WWOX: variants seen among roughly 807,000 people sequenced by gnomAD.
WWOX encodes the protein WW domain-containing oxidoreductase.
A neutral mutation model predicts 46.2 loss-of-function variants in WWOX; 69 were observed. The observed-to-expected ratio is 1.49, with a 90% confidence interval of 1.23 to 1.82. The LOEUF is 1.82. Ranked by LOEUF, WWOX falls within the 40% of genes most tolerant of loss-of-function variation. The pLI, the probability that WWOX is intolerant of heterozygous loss-of-function variation, is 0.00. For synonymous variants in WWOX, 359 were observed against 202.6 expected (o/e 1.77, Z -6.56); for missense variants, 919 against 542.6 (o/e 1.69, Z -6.89).
intron 8 of WWOX, among the ~76,000 whole-genome samples, chr16:78,943,050 C>T (rs956867616): frequency 6.6e-6 from 1 of 152,162 alleles, no homozygotes; most frequent in African/African-American, 2.4e-5. Flanking sequence ...GCTTCTGCTT[C>T]CTGTTTTGTT....
At chr16:78,426,871 C>G (rs1163496241) in intron 7 of WWOX, among the ~76,000 whole-genome samples, 4 of 152,152 alleles carry the variant, frequency 2.6e-5, no homozygotes, top group African/African-American at 9.7e-5. Context: ...ACCATGTTGG[C>G]CAGGATGGTC....
intron 8 of WWOX, among the ~76,000 whole-genome samples, chr16:78,871,917 T>C (rs2044137490): frequency 6.6e-6 from 1 of 152,190 alleles, no homozygotes; most frequent in Non-Finnish European, 1.5e-5. Flanking sequence ...GCCCCTCCTT[T>C]CTGGCCCCTC....
At chr16:79,178,592 C>A (rs2050848947) in intron 8 of WWOX, among the ~76,000 whole-genome samples, 1 of 152,188 alleles carries the variant, frequency 6.6e-6, no homozygotes, top group Non-Finnish European at 1.5e-5. Flanking sequence ...GCTAGAATTA[C>A]AGTTGAGAGC....
chr16:78,496,850 T>C (rs1401546988), intron 8 of WWOX, among the ~76,000 whole-genome samples: 2 of 152,254 alleles, frequency 1.3e-5, no homozygotes, highest in Non-Finnish European at 2.9e-5. Context: ...CCCCTTTTGC[T>C]GTGCCATGTG....
intron 5 of WWOX, among the ~76,000 whole-genome samples, chr16:78,215,074 T>C (rs1167680324): frequency 6.6e-6 from 1 of 152,156 alleles, no homozygotes; most frequent in Non-Finnish European, 1.5e-5. Context: ...ATGTAGGATA[T>C]TGCTGGGGAA....
At chr16:78,109,904 A>G (rs2032390401) in intron 3 of WWOX, 69 bp downstream of exon 3, 1 of 1,495,296 alleles carries the variant, frequency 6.7e-7, no homozygotes, top group African/African-American at 1.4e-5. Context: ...TTATAAAAGT[A>G]ATACATAGTA....
At chr16:78,797,887 C>G (rs1442987594) in intron 8 of WWOX, among the ~76,000 whole-genome samples, 1 of 152,174 alleles carries the variant, frequency 6.6e-6, no homozygotes, top group Non-Finnish European at 1.5e-5. Flanking sequence ...ACTCAAGAGG[C>G]TGACATGGGA....
At chr16:78,433,776 ACTTTTTT>A in intron 8 of WWOX, among the ~76,000 whole-genome samples, 1 of 96,484 alleles carries the variant, frequency 1.0e-5, no homozygotes, top group Non-Finnish European at 2.1e-5. Context: ...TTTGGGGATG[ACTTTTTT>A]TTTTTTTTTT....
At chr16:79,145,663 T>C (rs1464460271) in intron 8 of WWOX, among the ~76,000 whole-genome samples, 2 of 152,218 alleles carry the variant, frequency 1.3e-5, no homozygotes, top group African/African-American at 2.4e-5. Context: ...GAAACCAAAA[T>C]GTTCTTTGTT....
intron 8 of WWOX, among the ~76,000 whole-genome samples, chr16:78,868,819 G>T (rs1384204568): frequency 6.6e-6 from 1 of 152,160 alleles, no homozygotes; most frequent in Non-Finnish European, 1.5e-5. Context: ...GGAGAGGAAA[G>T]ACCTGCAGCT....
At chr16:78,640,814 C>T (rs549130530) in intron 8 of WWOX, among the ~76,000 whole-genome samples, 2 of 151,982 alleles carry the variant, frequency 1.3e-5, no homozygotes, top group African/African-American at 4.8e-5. Context: ...CAGTGTGTGC[C>T]TGTAATCCCA....
intron 8 of WWOX, among the ~76,000 whole-genome samples, chr16:78,704,750 A>T (rs2048296105): frequency 6.6e-6 from 1 of 152,130 alleles, no homozygotes; most frequent in South Asian, 2.1e-4. Flanking sequence ...ATGCTCTATT[A>T]TTTTCTCCCT....
At chr16:78,480,863 T>C (rs576202813) in intron 8 of WWOX, among the ~76,000 whole-genome samples, 1 of 152,366 alleles carries the variant, frequency 6.6e-6, no homozygotes, top group East Asian at 1.9e-4. Flanking sequence ...TTATGTGGTC[T>C]GAACTAAAGC....
chr16:78,422,119 C>T (rs73572806), intron 6 of WWOX, among the ~76,000 whole-genome samples: 13,219 of 152,034 alleles, frequency 0.087, 1,662 homozygotes, highest in African/African-American at 0.28. Context: ...CTAATGTCTG[C>T]CACTGTTTCT....
intron 8 of WWOX, among the ~76,000 whole-genome samples, chr16:78,669,109 C>G (rs1447304516): frequency 6.6e-6 from 1 of 152,028 alleles, no homozygotes; most frequent in Non-Finnish European, 1.5e-5. Context: ...AAGCCAAAAC[C>G]ACCTCCGTTG....
chr16:79,200,890 A>G (rs1485928558), intron 8 of WWOX, among the ~76,000 whole-genome samples: 1 of 152,182 alleles, frequency 6.6e-6, no homozygotes, highest in Non-Finnish European at 1.5e-5. Flanking sequence ...TGCAGGCTTC[A>G]TCTATACTTT....
chr16:79,048,913 C>G (rs1003151380), intron 8 of WWOX, among the ~76,000 whole-genome samples: 2 of 152,142 alleles, frequency 1.3e-5, no homozygotes, highest in African/African-American at 4.8e-5. Context: ...CTGTAAGGGA[C>G]CCCCGCCTTT....
intron 8 of WWOX, among the ~76,000 whole-genome samples, chr16:78,783,166 C>G (rs74569149): frequency 0.014 from 2,070 of 152,296 alleles, 39 homozygotes; most frequent in African/African-American, 0.045. Flanking sequence ...TTTATAATGG[C>G]CCATCATTTA....
intron 5 of WWOX, among the ~76,000 whole-genome samples, chr16:78,325,379 A>G (rs767364124): frequency 2.0e-5 from 3 of 152,178 alleles, no homozygotes; most frequent in African/African-American, 4.8e-5. Context: ...TTGCTTTTCC[A>G]ATTGTTCTAT....
Sources: gnomAD v4.1 joint callset for allele counts (sites outside exome capture counted in the v4.1 genomes callset) on GRCh38, gnomAD v4.1.1 for gene constraint, MANE v1.5 for transcripts, NCBI Gene and HGNC (gene_info 2026-07-23, HGNC 2026-07-21) for gene names.